MYO9A: variants seen among roughly 807,000 people sequenced by gnomAD.
MYO9A encodes unconventional myosin-IXa.
MYO9A carries 103 observed loss-of-function variants against 293.3 expected under a neutral mutation model. The observed-to-expected ratio is 0.35, with a 90% CI of 0.30 to 0.41. MYO9A has a LOEUF of 0.41. MYO9A is among the 10% of genes least tolerant of loss of function. MYO9A has a pLI of 1.00. For synonymous variants in MYO9A, 1,001 were observed against 1,035.7 expected (o/e 0.97, Z 0.64); for missense variants, 2,685 against 3,033.0 (o/e 0.89, Z 2.69).
intron 27 of MYO9A, among the ~76,000 whole-genome samples, chr15:71,885,440 C>T (rs991514242): frequency 6.6e-6 from 1 of 152,050 alleles, no homozygotes; most frequent in Admixed American, 6.6e-5. Flanking sequence ...TTCACCTCCA[C>T]GTGTTTCCCC....
Position 72,000,015 on chromosome 15 carries a change from TAGA to T in MYO9A, c.1381-78_1381-76del, listed in dbSNP as rs2076817932. ...TGAATTATCTTTTGAAAAAGCCAAA[TAGA>T]GGAGGAAAAGCTTAATGAGATTAGC... On this transcript the variant is annotated intron_variant, in intron 8 of 41. Transcript: ENST00000356056. 4.1e-6 allele frequency: 5 copies of T among 1,205,628 alleles called. No individual in the cohort carries two copies. In the South Asian group the frequency reaches 7.2e-5, roughly 17 times the overall value. The allele number at this position is 1,205,628 out of a possible 1,614,324, so 74.7% of individuals were successfully genotyped here. A position where few individuals can be genotyped will look rare whatever the true frequency, so the allele number is the denominator to read the frequency against.
chr15:72,074,268 A>G (rs2079278346), intron 1 of MYO9A, among the ~76,000 whole-genome samples: 1 of 152,308 alleles, frequency 6.6e-6, no homozygotes, highest in South Asian at 2.1e-4. Context: ...AACCTGTACT[A>G]AACAAGAAAC....
intron 14 of MYO9A, among the ~76,000 whole-genome samples, chr15:71,956,330 A>ATTATATATATATATAT (rs1555490831): frequency 1.3e-5 from 1 of 75,584 alleles, no homozygotes; most frequent in Non-Finnish European, 2.3e-5. Flanking sequence ...AAAAAAAAAA[A>ATTATATATATATATAT]ATATATATAT....
rs377712154 is a variant in MYO9A at position 72,067,926 on chromosome 15, G to A, written c.-71-21292C>T. Among the ~76,000 whole-genome samples the A allele has an allele frequency of 5.3e-5, 8 of 152,202 alleles. No homozygotes were observed. The East Asian group carries it at 5.8e-4, about 11-fold the overall frequency. On this transcript the variant is annotated intron_variant, in intron 1 of 41. Coordinates refer to ENST00000356056, the MANE Select transcript of MYO9A (RefSeq NM_006901.4). The stretch of plus-strand genomic sequence containing the variant: ...TTTTACTCTGCAAATCTTCTACTCT[G>A]TAGAAACCCCCTCAAGTTTACTCAT...
At chr15:72,101,399 T>C (rs1418972371) in intron 1 of MYO9A, among the ~76,000 whole-genome samples, 741 of 101,754 alleles carry the variant, frequency 7.3e-3, no homozygotes, top group South Asian at 9.5e-3. Flanking sequence ...CGCCTCTGCC[T>C]GGCCGCCCCT....
At chr15:71,856,907 T>C (rs909030998) in intron 34 of MYO9A, among the ~76,000 whole-genome samples, 1 of 152,196 alleles carries the variant, frequency 6.6e-6, no homozygotes, top group East Asian at 1.9e-4. Context: ...CCTTTCTACT[T>C]CAGAGGGTTG....
intron 6 of MYO9A, among the ~76,000 whole-genome samples, chr15:72,012,509 G>T (rs1006348975): frequency 6.6e-6 from 1 of 151,964 alleles, no homozygotes; most frequent in Non-Finnish European, 1.5e-5. Flanking sequence ...CATTGGCCAG[G>T]CTGGTCTCAA....
intron 13 of MYO9A, among the ~76,000 whole-genome samples, chr15:71,966,803 A>C (rs1196594058): frequency 6.6e-6 from 1 of 152,196 alleles, no homozygotes; most frequent in African/African-American, 2.4e-5. Flanking sequence ...AAGGTAATCA[A>C]TGCAATCTTT....
intron 18 of MYO9A, among the ~76,000 whole-genome samples, chr15:71,929,721 A>T (rs1221604912): frequency 1.3e-5 from 2 of 152,210 alleles, no homozygotes; most frequent in Non-Finnish European, 2.9e-5. Flanking sequence ...CACTATTTAC[A>T]ACAGCAAAGA....
chr15:71,849,276 C>G (rs12438960), intron 38 of MYO9A, among the ~76,000 whole-genome samples: 1,921 of 152,064 alleles, frequency 0.013, 56 homozygotes, highest in Admixed American at 0.058. Context: ...ATGGTGAAAC[C>G]CTGTCTCTAC....
At chr15:71,994,818 C>T (rs1258540139) in intron 9 of MYO9A, among the ~76,000 whole-genome samples, 3 of 152,164 alleles carry the variant, frequency 2.0e-5, no homozygotes, top group Non-Finnish European at 1.5e-5. Flanking sequence ...TGGCAGCCTC[C>T]GTCTCCTGGG....
At chr15:71,907,286 T>C (rs1305314647) in intron 19 of MYO9A, among the ~76,000 whole-genome samples, 2 of 150,624 alleles carry the variant, frequency 1.3e-5, no homozygotes, top group African/African-American at 4.9e-5. Flanking sequence ...TCATTTTTTA[T>C]GGCTGCGTAG....
chr15:71,914,625 T>A (rs749036859), intron 19 of MYO9A, among the ~76,000 whole-genome samples: 1 of 152,214 alleles, frequency 6.6e-6, no homozygotes, highest in Non-Finnish European at 1.5e-5. Flanking sequence ...TACCATACAT[T>A]GGTCATTATC....
chr15:71,894,405 C>T (rs1314255187), intron 25 of MYO9A, among the ~76,000 whole-genome samples: 1 of 152,042 alleles, frequency 6.6e-6, no homozygotes, highest in Admixed American at 6.6e-5. Flanking sequence ...GGCAAAACTC[C>T]GTCTCTACCA....
chr15:72,016,470 C>T (rs1263852899), intron 6 of MYO9A, among the ~76,000 whole-genome samples: 1 of 152,160 alleles, frequency 6.6e-6, no homozygotes, highest in East Asian at 1.9e-4. Context: ...CTATAGGTCT[C>T]CTTGGGACCA....
chr15:71,959,946 C>A lies in MYO9A; in HGVS notation c.2137G>T (p.Val713Phe). Residue 713 changes from valine to phenylalanine, a missense_variant, in exon 14 of 42, where the codon GTT becomes TTT. Val to Phe is a conservative substitution (Grantham distance 50). Around this residue, in one of 10 missense-constraint regions of MYO9A, gnomAD observed 201 missense variants for 245.2 expected, o/e 0.82. Transcript: ENST00000356056. Reference protein sequence around the residue: ...AILRAFFRAMVAFREAGKRNI... With the variant: ...AILRAFFRAMFAFREAGKRNI... ...CTTTTCCCAGCTTCCCTGAAAGCAA[C>A]CATGGCTCTGAAAAAAGCTCGGAGA... 6.2e-7 allele frequency: 1 copy of A among 1,613,658 alleles called. No individual in the cohort carries two copies. The highest frequency in any genetic ancestry group is 8.5e-7 in the Non-Finnish European group (1 of 1,179,836).
intron 27 of MYO9A, among the ~76,000 whole-genome samples, chr15:71,885,053 A>G (rs1019434199): frequency 6.6e-6 from 1 of 151,736 alleles, no homozygotes; most frequent in Admixed American, 6.6e-5. Context: ...ATTAAAAACA[A>G]CAGTATCTCT....
intron 1 of MYO9A, among the ~76,000 whole-genome samples, chr15:72,081,509 C>A (rs906759161): frequency 7.1e-6 from 1 of 140,532 alleles, no homozygotes; most frequent in Non-Finnish European, 1.6e-5. Context: ...ACTGTTTACT[C>A]TGTTAATAGT....
At chr15:71,992,404 T>G (rs2148431228) in intron 10 of MYO9A, among the ~76,000 whole-genome samples, 1 of 152,322 alleles carries the variant, frequency 6.6e-6, no homozygotes, top group East Asian at 1.9e-4. Flanking sequence ...CCACTGGTGC[T>G]AAGAGATACA....
Sources: allele counts gnomAD v4.1 joint callset (sites outside exome capture counted in the v4.1 genomes callset), GRCh38; gene constraint gnomAD v4.1.1; regional missense constraint gnomAD v4.1.1; transcripts MANE v1.5; gene names NCBI Gene and HGNC (gene_info 2026-07-23, HGNC 2026-07-21).